The following NALF1 variants were observed in gnomAD, a reference collection of about 807,000 sequenced individuals.
NALF1 encodes family with sequence similarity 155 member A.
NALF1 carries 3 observed loss-of-function variants against 48.4 expected under a neutral mutation model. That is an observed-to-expected ratio of 0.06 (90% CI 0.03 to 0.16). The LOEUF (loss-of-function observed/expected upper bound fraction) is 0.16, where lower values mean the gene tolerates loss of function less well. NALF1 is among the 10% of genes least tolerant of loss of function. The pLI is 1.00. For synonymous variants in NALF1, 262 were observed against 245.7 expected (o/e 1.07, Z -0.62); for missense variants, 526 against 571.5 (o/e 0.92, Z 0.81).
intron 1 of NALF1, among the ~76,000 whole-genome samples, chr13:107,618,744 T>C (rs947177147): frequency 6.6e-6 from 1 of 152,108 alleles, no homozygotes; most frequent in Non-Finnish European, 1.5e-5. Flanking sequence ...GACCACTTGT[T>C]AGGTGGCAGT....
intron 1 of NALF1, among the ~76,000 whole-genome samples, chr13:107,560,602 A>C (rs1209544617): frequency 6.6e-6 from 1 of 152,102 alleles, no homozygotes; most frequent in Non-Finnish European, 1.5e-5. Context: ...CAGTTCACCA[A>C]AACTATGTCA....
At chr13:107,490,880 A>C (rs1223212653) in intron 1 of NALF1, among the ~76,000 whole-genome samples, 1 of 152,202 alleles carries the variant, frequency 6.6e-6, no homozygotes, top group Non-Finnish European at 1.5e-5. Context: ...ACTCCTGCAC[A>C]TTCTGCAAAG....
intron 1 of NALF1, among the ~76,000 whole-genome samples, chr13:107,590,163 A>G (rs1482972067): frequency 6.6e-6 from 1 of 152,058 alleles, no homozygotes; most frequent in East Asian, 1.9e-4. Flanking sequence ...TTTAGCACAT[A>G]AAGATAAATG....
At chr13:107,287,750 G>C (rs1230950900) in intron 1 of NALF1, among the ~76,000 whole-genome samples, 1 of 133,364 alleles carries the variant, frequency 7.5e-6, no homozygotes, top group Non-Finnish European at 1.5e-5. Context: ...TTGTCGCCCA[G>C]GCTGGAGTGC....
intron 1 of NALF1, among the ~76,000 whole-genome samples, chr13:107,339,507 A>G (rs1882629276): frequency 6.6e-6 from 1 of 151,796 alleles, no homozygotes; most frequent in South Asian, 2.1e-4. Flanking sequence ...CCCGAGGGAT[A>G]GTGATGCTGC....
chr13:107,710,830 C>CACATACAA (rs34763555), intron 1 of NALF1, among the ~76,000 whole-genome samples: 1 of 147,486 alleles, frequency 6.8e-6, no homozygotes, highest in Non-Finnish European at 1.5e-5. Context: ...TATACACATA[C>CACATACAA]AGAGACACGT....
intron 1 of NALF1, among the ~76,000 whole-genome samples, chr13:107,801,526 G>A (rs1305972617): frequency 6.6e-6 from 1 of 152,114 alleles, no homozygotes; most frequent in Non-Finnish European, 1.5e-5. Flanking sequence ...ATAATAATAA[G>A]ACAGATGGTT....
At chr13:107,786,830 C>T (rs913377466) in intron 1 of NALF1, among the ~76,000 whole-genome samples, 2 of 152,186 alleles carry the variant, frequency 1.3e-5, no homozygotes, top group African/African-American at 4.8e-5. Flanking sequence ...TCACTTTTCT[C>T]GCCAAAATGA....
intron 1 of NALF1, among the ~76,000 whole-genome samples, chr13:107,784,423 CTTCTTTATA>C (rs1878012097): frequency 6.6e-6 from 1 of 152,112 alleles, no homozygotes; most frequent in Non-Finnish European, 1.5e-5. Flanking sequence ...CACTCATTTT[CTTCTTTATA>C]TAGAATAGAA....
chr13:107,767,055 A>T (rs141790090), intron 1 of NALF1, among the ~76,000 whole-genome samples: 142 of 152,326 alleles, frequency 9.3e-4, no homozygotes, highest in Middle Eastern at 3.4e-3. Context: ...GAAAAACCTA[A>T]CAAAACAGGA....
intron 1 of NALF1, among the ~76,000 whole-genome samples, chr13:107,662,115 A>G (rs1277537773): frequency 6.6e-6 from 1 of 152,170 alleles, no homozygotes; most frequent in Non-Finnish European, 1.5e-5. Context: ...TCCTCTTGCC[A>G]TTTTTGGACA....
At chr13:107,582,422 A>T (rs1214643876) in intron 1 of NALF1, among the ~76,000 whole-genome samples, 1 of 152,230 alleles carries the variant, frequency 6.6e-6, no homozygotes, top group African/African-American at 2.4e-5. Context: ...TCACAGGCAG[A>T]TAACACTTGC....
chr13:107,762,093 A>C (rs1877279894), intron 1 of NALF1, among the ~76,000 whole-genome samples: 2 of 152,186 alleles, frequency 1.3e-5, no homozygotes, highest in African/African-American at 4.8e-5. Flanking sequence ...ATTCAAATCT[A>C]GGTATTTTGA....
At chr13:107,522,326 A>G (rs1266964338) in intron 1 of NALF1, among the ~76,000 whole-genome samples, 1 of 152,156 alleles carries the variant, frequency 6.6e-6, no homozygotes, top group Admixed American at 6.5e-5. Context: ...CAATCTCTCC[A>G]TATAGACGGC....
rs539661393 is a variant in NALF1, at chr13:107,356,762, CAG to C, written c.916-146009_916-146008del. ...AAAACAAAAGTAGCTAAAACTCAAA[CAG>C]AATAATTTTCTGGTTAACAGGTGTG... On this transcript the variant is annotated intron_variant, in intron 1 of 2. Coordinates refer to ENST00000375915, the MANE Select transcript of NALF1 (RefSeq NM_001080396.3). Among the ~76,000 whole-genome samples the C allele has an allele frequency of 1.8e-4, 28 of 152,280 alleles. 1 individual carries two copies. In the South Asian group the frequency reaches 5.6e-3, roughly 30 times the overall value.
At chr13:107,238,952 A>C (rs1401542608) in intron 1 of NALF1, among the ~76,000 whole-genome samples, 1 of 152,142 alleles carries the variant, frequency 6.6e-6, no homozygotes, top group Non-Finnish European at 1.5e-5. Flanking sequence ...GATGGATTTT[A>C]ATGGTGCAAG....
At chr13:107,792,895 G>A (rs750056875) in intron 1 of NALF1, among the ~76,000 whole-genome samples, 8 of 152,152 alleles carry the variant, frequency 5.3e-5, no homozygotes, top group Non-Finnish European at 1.2e-4. Context: ...CTACAGCCAT[G>A]TATACTGGCC....
intron 1 of NALF1, among the ~76,000 whole-genome samples, chr13:107,377,054 G>A (rs1306254053): frequency 3.3e-5 from 5 of 152,070 alleles, no homozygotes; most frequent in Admixed American, 6.5e-5. Flanking sequence ...CTCCTATTGT[G>A]TAGAGTAGAC....
intron 1 of NALF1, among the ~76,000 whole-genome samples, chr13:107,389,409 G>C (rs537666632): frequency 2.0e-5 from 3 of 150,414 alleles, no homozygotes; most frequent in South Asian, 2.1e-4. Flanking sequence ...TGAAAAAGAA[G>C]AAATGTGGAT....
Sources: gnomAD v4.1 joint callset for allele counts (sites outside exome capture counted in the v4.1 genomes callset) on GRCh38, gnomAD v4.1.1 for gene constraint, MANE v1.5 for transcripts, NCBI Gene and HGNC (gene_info 2026-07-23, HGNC 2026-07-21) for gene names.